Variants in MDGA2 observed in about 807,000 individuals in gnomAD.
The protein encoded by MDGA2 is MAM domain-containing glycosylphosphatidylinositol anchor protein 2.
MDGA2 carries 40 observed loss-of-function variants against 117.8 expected under a neutral mutation model. The observed-to-expected ratio is 0.34, with a 90% CI of 0.26 to 0.44. The LOEUF is 0.44. MDGA2 is among the 20% of genes least tolerant of loss of function. The pLI is 1.00. For missense variants in MDGA2, 1,123 were observed against 1,250.6 expected (o/e 0.90, Z 1.54); for synonymous variants, 452 against 439.0 (o/e 1.03, Z -0.37).
intron 1 of MDGA2, among the ~76,000 whole-genome samples, chr14:47,626,727 C>T (rs890909388): frequency 6.6e-6 from 1 of 152,192 alleles, no homozygotes; most frequent in Non-Finnish European, 1.5e-5. Flanking sequence ...TGGATTTCTC[C>T]CCGGCCCTTA....
At position 47,654,131 on chromosome 14, in the gene MDGA2, A is replaced by T. The variant is rs562677862; in HGVS notation, c.280+20386T>A. ...GAAATTCACCTCTACAAATTGTGTA[A>T]AAATTCCTTAGGTTCAGGTACAGAA... On this transcript the variant is annotated intron_variant, in intron 1 of 16. Transcript: ENST00000399232. 3.8e-4 allele frequency among the ~76,000 whole-genome samples: 58 copies of T among 152,312 alleles called. No homozygotes were observed. In the South Asian group the frequency reaches 7.0e-3, roughly 19 times the overall value.
At chr14:47,323,988 G>A (rs893947202) in intron 1 of MDGA2, among the ~76,000 whole-genome samples, 8 of 152,144 alleles carry the variant, frequency 5.3e-5, no homozygotes, top group African/African-American at 1.7e-4. Context: ...GCTCACGCCT[G>A]TAATCCCAGC....
chr14:46,866,118 A>G (rs539771951), intron 14 of MDGA2, among the ~76,000 whole-genome samples: 1,968 of 152,186 alleles, frequency 0.013, 38 homozygotes, highest in African/African-American at 0.045. Flanking sequence ...AGCTGGAGGC[A>G]TCACACTACC....
At chr14:47,669,102 T>C (rs1221599778) in intron 1 of MDGA2, among the ~76,000 whole-genome samples, 1 of 152,200 alleles carries the variant, frequency 6.6e-6, no homozygotes. Context: ...CCTACTGCAG[T>C]TACATTAAAA....
In MDGA2 at chr14:47,054,134, C is replaced by A. The variant is rs976620910; in HGVS notation, c.1525+7115G>T. On this transcript the variant is annotated intron_variant, in intron 7 of 16. Coordinates refer to ENST00000399232, the MANE Select transcript of MDGA2 (RefSeq NM_001113498.3). ...CCTTATCTGATTCCTATCTATCTGT[C>A]CAACTGAATAAATGGTACCCTTCAC... is the stretch of plus-strand genomic sequence containing the variant. Among the ~76,000 whole-genome samples the A allele has an allele frequency of 7.2e-5, 11 of 152,052 alleles. No individual in the cohort carries two copies. The South Asian group carries it at 1.9e-3, about 26-fold the overall frequency.
At position 47,579,677 on chromosome 14, in the gene MDGA2, A is replaced by G. The variant is rs116277112; in HGVS notation, c.280+94840T>C. On this transcript the variant is annotated intron_variant, in intron 1 of 16. Transcript: ENST00000399232. ...GTTTTATTCTCACTTTTAAAATGAA[A>G]TATGTGTTCTCTTTGTGCTTTGGAA... Among the ~76,000 whole-genome samples, 892 of 152,164 alleles carry G rather than the reference A, an allele frequency of 5.9e-3. 9 individuals are homozygous for G. The highest frequency in any genetic ancestry group is 0.02 in the African/African-American group (830 of 41,544).
chr14:46,994,627 A>C (rs1887219744), intron 8 of MDGA2, among the ~76,000 whole-genome samples: 1 of 152,180 alleles, frequency 6.6e-6, no homozygotes. Context: ...ATTAATAAAT[A>C]TATTTTAATA....
intron 9 of MDGA2, among the ~76,000 whole-genome samples, chr14:46,945,865 A>G (rs1328198392): frequency 1.3e-5 from 2 of 152,074 alleles, no homozygotes; most frequent in African/African-American, 4.8e-5. Flanking sequence ...GGCTGGCTCC[A>G]TTAGTATTTT....
chr14:47,096,653 G>A (rs1273642313), intron 6 of MDGA2, among the ~76,000 whole-genome samples: 1 of 151,812 alleles, frequency 6.6e-6, no homozygotes, highest in African/African-American at 2.4e-5. Flanking sequence ...GCTATTCAAC[G>A]CATATATAAA....
At chr14:47,182,668 G>A (rs1225912844) in intron 3 of MDGA2, among the ~76,000 whole-genome samples, 2 of 152,190 alleles carry the variant, frequency 1.3e-5, no homozygotes, top group Admixed American at 6.5e-5. Context: ...GACTAAGACA[G>A]TAACCAAAGA....
At chr14:47,194,384 T>G (rs1390030442) in intron 3 of MDGA2, among the ~76,000 whole-genome samples, 1 of 152,174 alleles carries the variant, frequency 6.6e-6, no homozygotes, top group Non-Finnish European at 1.5e-5. Context: ...AATTTAATCA[T>G]CAGCACGTTT....
At chr14:46,919,955 C>A (rs1884061000) in intron 10 of MDGA2, 57 bp downstream of exon 10, 3 of 1,458,506 alleles carry the variant, frequency 2.1e-6, no homozygotes, top group African/African-American at 2.9e-5. Context: ...AAAATGATAA[C>A]AACAAGGTCT....
At chr14:47,285,431 C>G (rs1488058072) in intron 2 of MDGA2, among the ~76,000 whole-genome samples, 1 of 152,056 alleles carries the variant, frequency 6.6e-6, no homozygotes, top group Non-Finnish European at 1.5e-5. Context: ...AAATCATAAG[C>G]AGTAAATTTA....
At chr14:47,597,627 C>T (rs1031084349) in intron 1 of MDGA2, among the ~76,000 whole-genome samples, 2 of 151,946 alleles carry the variant, frequency 1.3e-5, no homozygotes, top group Non-Finnish European at 1.5e-5. Context: ...ATAAATATGA[C>T]AAGTTTATAG....
chr14:46,994,285 T>A (rs1245307690), intron 8 of MDGA2, among the ~76,000 whole-genome samples: 1 of 152,266 alleles, frequency 6.6e-6, no homozygotes, highest in Admixed American at 6.5e-5. Flanking sequence ...GATTTTAGTC[T>A]GTATTCTTCC....
At chr14:47,503,087 T>C (rs1894432721) in intron 1 of MDGA2, among the ~76,000 whole-genome samples, 1 of 152,214 alleles carries the variant, frequency 6.6e-6, no homozygotes, top group Non-Finnish European at 1.5e-5. Flanking sequence ...TTCAAATTCA[T>C]CCTTCAAAGT....
intron 1 of MDGA2, among the ~76,000 whole-genome samples, chr14:47,499,315 G>A (rs923380586): frequency 2.6e-5 from 4 of 152,056 alleles, no homozygotes; most frequent in Non-Finnish European, 4.4e-5. Context: ...CTATAAAGGT[G>A]AGCTTTATCC....
At chr14:46,971,563 T>C (rs1445293382) in intron 8 of MDGA2, among the ~76,000 whole-genome samples, 1 of 151,850 alleles carries the variant, frequency 6.6e-6, no homozygotes, top group Admixed American at 6.6e-5. Context: ...GGTGTATGGG[T>C]GGGAGGAGGG....
chr14:47,177,825 AG>A (rs1257918372), intron 3 of MDGA2, among the ~76,000 whole-genome samples: 4 of 152,122 alleles, frequency 2.6e-5, no homozygotes, highest in Admixed American at 2.6e-4. Context: ...ATTAAAAAGA[AG>A]AAATTTTATG....
Sources: gnomAD v4.1 joint callset for allele counts (sites outside exome capture counted in the v4.1 genomes callset) on GRCh38, gnomAD v4.1.1 for gene constraint, MANE v1.5 for transcripts, NCBI Gene and HGNC (gene_info 2026-07-23, HGNC 2026-07-21) for gene names.